PPP2R5A: variants seen among roughly 807,000 people sequenced by gnomAD.
PPP2R5A encodes the protein protein phosphatase 2 regulatory subunit B'alpha, also known as serine/threonine-protein phosphatase 2A 56 kDa regulatory subunit alpha isoform.
PPP2R5A carries 25 observed loss-of-function variants against 64.2 expected under a neutral mutation model. The observed-to-expected ratio is 0.39, with a 90% CI of 0.28 to 0.54. The LOEUF is 0.54. PPP2R5A is among the 20% of genes least tolerant of loss of function. The pLI is 0.67. For missense variants in PPP2R5A, 425 were observed against 576.3 expected, an observed-to-expected ratio of 0.74 and a Z score of 2.69; for synonymous variants, 198 against 201.2, an observed-to-expected ratio of 0.98 and a Z score of 0.13.
chr1:212,333,438 G>A (rs1174056949), intron 2 of PPP2R5A, 59 bp from the exon 3 acceptor site: 1 of 1,116,306 alleles, frequency 9.0e-7, no homozygotes, highest in Non-Finnish European at 1.2e-6. Context: ...ACTTCGTTTT[G>A]AATTGTCCAA....
chr1:212,360,757 C>A lies in PPP2R5A; in HGVS notation c.1448C>A (p.Thr483Lys), dbSNP rs1660065348. 1.3e-6 allele frequency: 2 copies of A among 1,526,260 alleles called. No homozygotes were observed. The highest frequency in any genetic ancestry group is 1.7e-6 in the Non-Finnish European group (2 of 1,144,296). 94.5% of individuals were successfully genotyped at this position (1,526,260 alleles called of 1,614,324 possible). ...AACATGCACAGTATTCTCAGCAATACAAGTGCCGAATAAAAAAAAAGCCTC... is the reference window on the plus strand; with the variant it reads ...AACATGCACAGTATTCTCAGCAATAAAAGTGCCGAATAAAAAAAAAGCCTC... Reference protein sequence around the residue: ...AYNMHSILSNTSAE With the variant: ...AYNMHSILSNKSAE Residue 483 changes from threonine (T) to lysine (K), a missense_variant, in exon 13 of 13, where the codon ACA becomes AAA. Coordinates refer to ENST00000261461, the MANE Select transcript of PPP2R5A (RefSeq NM_006243.4).
At position 212,328,114 on chromosome 1, in the gene PPP2R5A, C is replaced by T. The variant is rs552410112; in HGVS notation, c.182-1021C>T. Among the ~76,000 whole-genome samples, 4 of 152,328 alleles carry T rather than the reference C, an allele frequency of 2.6e-5. No homozygotes were observed. The South Asian group carries it at 6.2e-4, about 24-fold the overall frequency. ...ACAGATGTGAGCCACTGTGCCTAGCCGTTGGTTCCTGCTTTTAGTTGAGGG... is the reference window on the plus strand; with the variant it reads ...ACAGATGTGAGCCACTGTGCCTAGCTGTTGGTTCCTGCTTTTAGTTGAGGG... On this transcript the variant is annotated intron_variant, in intron 1 of 12. Transcript: ENST00000261461.
intron 1 of PPP2R5A, among the ~76,000 whole-genome samples, chr1:212,288,838 A>G (rs1658551151): frequency 6.8e-6 from 1 of 146,096 alleles, no homozygotes. Context: ...ATGGACTCCA[A>G]GATCTTTTAA....
intron 4 of PPP2R5A, among the ~76,000 whole-genome samples, chr1:212,343,658 CAT>C (rs1659725342): frequency 6.6e-6 from 1 of 152,304 alleles, no homozygotes. Context: ...ACATTTTAAT[CAT>C]GACTAAAAAT....
In PPP2R5A at chr1:212,349,181, C is replaced by T. The variant is rs367760980; in HGVS notation, c.874-8C>T. Reference sequence around the variant, plus strand: ...ACTAATATTTATAAACTGTCCCTTACCTTTTAGCTAGCATATTGTGTTGTA... The same window carrying T: ...ACTAATATTTATAAACTGTCCCTTATCTTTTAGCTAGCATATTGTGTTGTA... On this transcript the variant is annotated splice_region_variant and splice_polypyrimidine_tract_variant and intron_variant, in intron 7 of 12. Transcript: ENST00000261461. 15 of 1,525,530 alleles carry T rather than the reference C, an allele frequency of 9.8e-6. No individual in the cohort carries two copies. The highest frequency in any genetic ancestry group is 1.3e-5 in the Non-Finnish European group (15 of 1,121,978). 94.5% of individuals were successfully genotyped at this position (1,525,530 alleles called of 1,614,324 possible).
At chr1:212,316,446 C>G (rs950181655) in intron 1 of PPP2R5A, among the ~76,000 whole-genome samples, 5 of 152,144 alleles carry the variant, frequency 3.3e-5, no homozygotes. Context: ...AATGCCCTTC[C>G]TGAACCTCTG....
chr1:212,348,395 C>T lies in PPP2R5A; in HGVS notation c.771C>T (p.Ile257=), dbSNP rs1285142689. Reference sequence around the variant, plus strand: ...TGCCTTTTTTTCCCTCCAGTATTATCAATGGCTTTGCATTGCCACTGAAAG... The same window carrying T: ...TGCCTTTTTTTCCCTCCAGTATTATTAATGGCTTTGCATTGCCACTGAAAG... ...AELLEILGSI[I]NGFALPLKAE... is the part of the protein sequence containing the mutation. The change falls in exon 7 of 13, where the codon ATC becomes ATT. Residue 257 remains isoleucine, a synonymous_variant. Transcript: ENST00000261461. 1 of 1,602,068 alleles carries T rather than the reference C, an allele frequency of 6.2e-7. No individual in the cohort carries two copies. The highest frequency in any genetic ancestry group is 1.7e-5 in the Admixed American group (1 of 59,970).
chr1:212,294,398 T>C (rs1018583316), intron 1 of PPP2R5A, among the ~76,000 whole-genome samples: 1 of 152,236 alleles, frequency 6.6e-6, no homozygotes, highest in African/African-American at 2.4e-5. Flanking sequence ...AAATATCTAT[T>C]GAAGTTAAAA....
chr1:212,297,096 C>CTTTTTTTTTTTTTTTTTTTTTTTT lies in PPP2R5A; in HGVS notation c.181+10824_181+10847dup, dbSNP rs869112186. 4.8e-5 allele frequency among the ~76,000 whole-genome samples: 4 copies of CTTTTTTTTTTTTTTTTTTTTTTTT among 82,644 alleles called. 1 individual carries two copies. The highest frequency in any genetic ancestry group is 7.4e-5 in the Non-Finnish European group (3 of 40,432). The allele number at this position is 82,644 out of a possible 152,430, so 54.2% of individuals were successfully genotyped here. ...TTTCTTTTCTTTTTCTTTGCTTCTT[C>CTTTTTTTTTTTTTTTTTTTTTTTT]TTTTTTTTTTTTTTTTTTTTTTTTT... is the stretch of plus-strand genomic sequence containing the variant. On this transcript the variant is annotated intron_variant, in intron 1 of 12. Coordinates refer to ENST00000261461, the MANE Select transcript of PPP2R5A (RefSeq NM_006243.4).
chr1:212,304,485 G>A lies in PPP2R5A; in HGVS notation c.181+18194G>A, dbSNP rs566961589. On this transcript the variant is annotated intron_variant, in intron 1 of 12. Coordinates refer to ENST00000261461, the MANE Select transcript of PPP2R5A (RefSeq NM_006243.4). ...AATCGCTTGAACCTGGGAGGAGGAG[G>A]TTGTGGTGAGCCGAGATCACGCCAT... Among the ~76,000 whole-genome samples the A allele has an allele frequency of 2.0e-5, 3 of 152,072 alleles. No individual in the cohort carries two copies. In the East Asian group the frequency reaches 5.9e-4, roughly 30 times the overall value.
At chr1:212,351,102 C>CAAAA (rs58625826) in intron 8 of PPP2R5A, among the ~76,000 whole-genome samples, 2 of 103,726 alleles carry the variant, frequency 1.9e-5, no homozygotes, top group Non-Finnish European at 2.6e-5. Flanking sequence ...CGAGATGACA[C>CAAAA]AAAAAAAAAA....
intron 5 of PPP2R5A, among the ~76,000 whole-genome samples, chr1:212,346,854 AAGCCCATT>A (rs1298793184): frequency 1.3e-5 from 2 of 152,038 alleles, no homozygotes; most frequent in African/African-American, 4.8e-5. Flanking sequence ...ATCACTTCCT[AAGCCCATT>A]TCAAATATCT....
At chr1:212,310,093 CTT>C (rs1381019811) in intron 1 of PPP2R5A, among the ~76,000 whole-genome samples, 1 of 152,132 alleles carries the variant, frequency 6.6e-6, no homozygotes, top group Non-Finnish European at 1.5e-5. Context: ...GCAGGGTTCT[CTT>C]TGTCTTTTCC....
chr1:212,354,125 A>G (rs1659935736), intron 8 of PPP2R5A, among the ~76,000 whole-genome samples: 6 of 152,170 alleles, frequency 3.9e-5, no homozygotes, highest in Admixed American at 2.0e-4. Context: ...CAGAGGTTGC[A>G]GTGAGCCGAG....
intron 2 of PPP2R5A, among the ~76,000 whole-genome samples, chr1:212,332,098 G>T (rs1056817581): frequency 2.0e-5 from 3 of 152,090 alleles, no homozygotes; most frequent in African/African-American, 4.8e-5. Flanking sequence ...AAATTGTATC[G>T]ATGGCTTGCT....
At chr1:212,326,098 T>C (rs1659403492) in intron 1 of PPP2R5A, among the ~76,000 whole-genome samples, 2 of 152,130 alleles carry the variant, frequency 1.3e-5, no homozygotes, top group Non-Finnish European at 2.9e-5. Context: ...TAAAAAAAGG[T>C]AGTAAACATA....
At chr1:212,354,438 G>A (rs1328412618) in intron 8 of PPP2R5A, among the ~76,000 whole-genome samples, 1 of 152,048 alleles carries the variant, frequency 6.6e-6, no homozygotes, top group Non-Finnish European at 1.5e-5. Flanking sequence ...CAGCACTTTG[G>A]GAGGCCAAGG....
Position 212,297,093 on chromosome 1 carries a change from C to CCTCTTTTTTTTTTTTTTTTTTTT in PPP2R5A, c.181+10802_181+10803insCTCTTTTTTTTTTTTTTTTTTTT, listed in dbSNP as rs1558138694. Among the ~76,000 whole-genome samples, 2 of 81,916 alleles carry CCTCTTTTTTTTTTTTTTTTTTTT rather than the reference C, an allele frequency of 2.4e-5. 1 individual carries two copies. The highest frequency in any genetic ancestry group is 1.0e-4 in the African/African-American group (2 of 19,982). 53.7% of individuals were successfully genotyped at this position (81,916 alleles called of 152,430 possible). A position where few individuals can be genotyped will look rare whatever the true frequency, so the allele number is the denominator to read the frequency against. On this transcript the variant is annotated intron_variant, in intron 1 of 12. Transcript: ENST00000261461. Reference sequence around the variant, plus strand: ...ACGTTTCTTTTCTTTTTCTTTGCTTCTTCTTTTTTTTTTTTTTTTTTTTTT... The same window carrying CCTCTTTTTTTTTTTTTTTTTTTT: ...ACGTTTCTTTTCTTTTTCTTTGCTTCCTCTTTTTTTTTTTTTTTTTTTTTTCTTTTTTTTTTTTTTTTTTTTTT...
At chr1:212,307,650 A>G (rs1021892239) in intron 1 of PPP2R5A, among the ~76,000 whole-genome samples, 1 of 152,194 alleles carries the variant, frequency 6.6e-6, no homozygotes, top group Non-Finnish European at 1.5e-5. Context: ...ATAGGCACTT[A>G]TAATGTACTT....
Sources: allele counts gnomAD v4.1 joint callset (sites outside exome capture counted in the v4.1 genomes callset), GRCh38; gene constraint gnomAD v4.1.1; transcripts MANE v1.5; gene names NCBI Gene and HGNC (gene_info 2026-07-23, HGNC 2026-07-21).